The following CRBN variants were observed in gnomAD, a reference collection of about 807,000 sequenced individuals.
CRBN encodes the protein protein cereblon.
In CRBN, 53 loss-of-function variants were observed where a neutral mutation model predicts 62.2. The ratio of observed to expected loss-of-function variants is 0.85; its 90% CI spans 0.68 to 1.07. The LOEUF (loss-of-function observed/expected upper bound fraction) is 1.07. Ranked by LOEUF, CRBN falls within the 50% of genes least tolerant of loss-of-function variation. The pLI, the probability that CRBN is intolerant of heterozygous loss-of-function variation, is 0.00. For synonymous variants in CRBN, 208 were observed against 176.1 expected (o/e 1.18, Z -1.43); for missense variants, 616 against 531.1 (o/e 1.16, Z -1.57).
At chr3:3,178,507 C>T (rs998575189) in intron 1 of CRBN, among the ~76,000 whole-genome samples, 3 of 152,196 alleles carry the variant, frequency 2.0e-5, no homozygotes, top group Non-Finnish European at 4.4e-5. Context: ...CAATATACCT[C>T]CTAGGCCTTA....
chr3:3,169,145 G>C (rs1320785679), intron 4 of CRBN, among the ~76,000 whole-genome samples: 1 of 152,068 alleles, frequency 6.6e-6, no homozygotes, highest in African/African-American at 2.4e-5. Flanking sequence ...TGATCCCCTG[G>C]CTTACAGATC....
intron 1 of CRBN, among the ~76,000 whole-genome samples, chr3:3,178,051 T>C: frequency 6.6e-6 from 1 of 151,942 alleles, no homozygotes; most frequent in East Asian, 1.9e-4. Context: ...ACGCTGACTG[T>C]TCAGAGCTAT....
chr3:3,171,693 A>G (rs1018211820), intron 4 of CRBN, among the ~76,000 whole-genome samples: 8 of 152,278 alleles, frequency 5.3e-5, no homozygotes, highest in African/African-American at 1.9e-4. Flanking sequence ...TCATAATTCA[A>G]AAATATATAG....
At chr3:3,154,470 AG>A in intron 7 of CRBN, 7 of 498,592 alleles carry the variant, frequency 1.4e-5, no homozygotes, top group Middle Eastern at 1.1e-3. Context: ...GTCCTTACAC[AG>A]GAAGTGTTTT....
At chr3:3,151,730 T>A (rs748718913) in intron 10 of CRBN, among the ~76,000 whole-genome samples, 13 of 152,202 alleles carry the variant, frequency 8.5e-5, no homozygotes, top group Non-Finnish European at 1.6e-4. Context: ...CAGAGTAGCA[T>A]GTAATCCCTT....
At position 3,179,659 on chromosome 3, in the gene CRBN, G is replaced by C. The variant is rs137880766; in HGVS notation, c.29C>G (p.Ala10Gly). 7 of 1,613,162 alleles carry C rather than the reference G, an allele frequency of 4.3e-6. No individual in the cohort carries two copies. Among genetic ancestry groups the C allele is most frequent in the Non-Finnish European group, 5.9e-6 (7 of 1,179,608 alleles). Residue 10 changes from alanine (A) to glycine (G), a missense_variant, in exon 1 of 11, where the codon GCT (alanine) becomes GGT (glycine). Transcript: ENST00000231948. Reference protein sequence around the residue: MAGEGDQQDAAHNMGNHLPL... With the variant: MAGEGDQQDGAHNMGNHLPL... ...CAGGTGGTTGCCCATGTTGTGCGCAGCGTCCTGCTGATCTCCTTCGCCGGC... is the reference window on the plus strand; with the variant it reads ...CAGGTGGTTGCCCATGTTGTGCGCACCGTCCTGCTGATCTCCTTCGCCGGC...
chr3:3,178,315 T>C (rs1707917333), intron 1 of CRBN, among the ~76,000 whole-genome samples: 1 of 152,222 alleles, frequency 6.6e-6, no homozygotes, highest in Non-Finnish European at 1.5e-5. Context: ...TTCTCTCCTA[T>C]ATGGTGGGCA....
rs1707780977 is a variant in CRBN, at chr3:3,175,176, G to A, written c.161C>T (p.Pro54Leu). 3.7e-6 allele frequency: 6 copies of A among 1,606,584 alleles called. No homozygotes were observed. Among genetic ancestry groups the A allele is most frequent in the Non-Finnish European group, 4.3e-6 (5 of 1,173,570 alleles). The change falls in exon 2 of 11, where the codon CCG becomes CTG. Residue 54 changes from proline (P) to leucine (L), a missense_variant. Transcript: ENST00000231948. ...TAAATTACATACTGTATGTGATGTC[G>A]GCAGACTGGTGTCAAAATTTATGAT... Reference protein sequence around the residue: ...PNIINFDTSLPTSHTYLGADM... With the variant: ...PNIINFDTSLLTSHTYLGADM...
chr3:3,174,155 C>G lies in CRBN; in HGVS notation c.281G>C (p.Gly94Ala). ...AAAAAGCTGAAGAGGTAATGTCTGT[C>G]CGGGAATCAGGATCATCATCACTTG... ...LPQVMMILIP[G>A]QTLPLQLFHP... The change falls in exon 3 of 11, where the codon GGA (glycine) becomes GCA (alanine). Residue 94 changes from glycine (G) to alanine (A), a missense_variant. By Grantham distance (60) the Gly-to-Ala change is moderately conservative (BLOSUM62 0). Transcript: ENST00000231948. 6.2e-7 allele frequency: 1 copy of G among 1,614,142 alleles called. No individual in the cohort carries two copies. The highest frequency in any genetic ancestry group is 8.5e-7 in the Non-Finnish European group (1 of 1,180,004).
At position 3,156,214 on chromosome 3, in the gene CRBN, C is replaced by G; in HGVS notation, c.750+5G>C. 4.3e-6 allele frequency: 7 copies of G among 1,610,542 alleles called. No homozygotes were observed. Among genetic ancestry groups the G allele is most frequent in the East Asian group, 4.5e-5 (2 of 44,802 alleles). On this transcript the variant is annotated splice_donor_5th_base_variant and intron_variant, in intron 6 of 10. Coordinates refer to ENST00000231948, the MANE Select transcript of CRBN (RefSeq NM_016302.4). Reference sequence around the variant, plus strand: ...TATAAAGTAAATTTAAGGTAAGTTACTTACAGCATCATATAAGGAATACAG... The same window carrying G: ...TATAAAGTAAATTTAAGGTAAGTTAGTTACAGCATCATATAAGGAATACAG...
Position 3,154,383 on chromosome 3 carries a change from G to T in CRBN, c.836-308C>A, listed in dbSNP as rs1575081997. The T allele has an allele frequency of 1.0e-5, 3 of 290,562 alleles. No individual in the cohort carries two copies. The South Asian group carries it at 1.6e-4, about 15-fold the overall frequency. 18.0% of individuals were successfully genotyped at this position (290,562 alleles called of 1,614,324 possible). ...AAACTATACCTTATAAACAGATAAA[G>T]AGAGTATCTATAATTAAGGCAAGTC... is the stretch of plus-strand genomic sequence containing the variant. On this transcript the variant is annotated intron_variant, in intron 7 of 10. Coordinates refer to ENST00000231948, the MANE Select transcript of CRBN (RefSeq NM_016302.4).
Position 3,179,658 on chromosome 3 carries a change from A to T in CRBN, c.30T>A (p.Ala10=). ...GCAGGTGGTTGCCCATGTTGTGCGC[A>T]GCGTCCTGCTGATCTCCTTCGCCGG... The part of the protein sequence containing the change: MAGEGDQQD[A]AHNMGNHLPL... The change falls in exon 1 of 11, where the codon GCT becomes GCA. Residue 10 remains alanine (A), a synonymous_variant. Coordinates refer to ENST00000231948, the MANE Select transcript of CRBN (RefSeq NM_016302.4). 1 of 1,613,194 alleles carries T rather than the reference A, an allele frequency of 6.2e-7. No homozygotes were observed. The highest frequency in any genetic ancestry group is 8.5e-7 in the Non-Finnish European group (1 of 1,179,632).
intron 9 of CRBN, 117 bp from the exon 10 acceptor site, chr3:3,152,704 T>A: frequency 1.6e-6 from 2 of 1,252,758 alleles, no homozygotes; most frequent in Non-Finnish European, 2.3e-6. Context: ...CAGTTTTTAA[T>A]CCTTCAGTTT....
chr3:3,169,178 AAC>A (rs1707495277), intron 4 of CRBN, among the ~76,000 whole-genome samples: 2 of 152,180 alleles, frequency 1.3e-5, no homozygotes, highest in African/African-American at 4.8e-5. Context: ...CTGCAGTACA[AAC>A]TGTCTGAATT....
At chr3:3,175,140 A>T in intron 2 of CRBN, 23 bp downstream of exon 2, 1 of 1,395,388 alleles carries the variant, frequency 7.2e-7, no homozygotes, top group Non-Finnish European at 1.0e-6. Flanking sequence ...CTATTATATT[A>T]GATCTGTCAC....
chr3:3,156,225 A>T lies in CRBN; in HGVS notation c.744T>A (p.Tyr248Ter). Residue 248 changes from tyrosine to a stop codon, truncating the protein, a stop_gained, in exon 6 of 11, where the codon TAT becomes TAA. Coordinates refer to ENST00000231948, the MANE Select transcript of CRBN (RefSeq NM_016302.4). LOFTEE classifies it high-confidence loss of function. ...TSWPRWLYSLYDAETLMDRIK... is the reference protein window; with the variant it reads ...TSWPRWLYSL ...TTTAAGGTAAGTTACTTACAGCATCATATAAGGAATACAGCCAGCGAGGCC... is the reference window on the plus strand; with the variant it reads ...TTTAAGGTAAGTTACTTACAGCATCTTATAAGGAATACAGCCAGCGAGGCC... 1 of 1,613,206 alleles carries T rather than the reference A, an allele frequency of 6.2e-7. No homozygotes were observed. Among genetic ancestry groups the T allele is most frequent in the Non-Finnish European group, 8.5e-7 (1 of 1,179,170 alleles).
rs1706403734 is a variant in CRBN, at chr3:3,150,119, C to CTTTTCCCTATAGTAGTAGTTTT, written c.*724_*745dup. The CTTTTCCCTATAGTAGTAGTTTT allele has an allele frequency of 6.6e-6, 1 of 152,114 alleles. No individual in the cohort carries two copies. The allele number at this position is 152,114 out of a possible 1,614,324, so 9.4% of individuals were successfully genotyped here. A position where few individuals can be genotyped will look rare whatever the true frequency, so the allele number is the denominator to read the frequency against. ...TGGGTGAGGGGACATGTTTTGGCAT[C>CTTTTCCCTATAGTAGTAGTTTT]TTTTCCCTATAGTAGTAGTTTTGGT... On this transcript the variant is annotated 3_prime_UTR_variant, in exon 11 of 11. Coordinates refer to ENST00000231948, the MANE Select transcript of CRBN (RefSeq NM_016302.4).
intron 3 of CRBN, 154 bp downstream of exon 3, chr3:3,173,905 C>G (rs1707726297): frequency 5.8e-6 from 4 of 688,986 alleles, no homozygotes; most frequent in South Asian, 4.7e-5. Flanking sequence ...CCAACTTGCA[C>G]TATCAAACTT....
intron 2 of CRBN, 130 bp from the exon 3 acceptor site, chr3:3,174,391 A>G (rs1707747538): frequency 5.1e-6 from 4 of 783,964 alleles, no homozygotes; most frequent in Non-Finnish European, 8.4e-6. Context: ...CTGTAATTCC[A>G]GCACTTTGGG....
Sources: allele counts gnomAD v4.1 joint callset (sites outside exome capture counted in the v4.1 genomes callset), GRCh38; gene constraint gnomAD v4.1.1; transcripts MANE v1.5; gene names NCBI Gene and HGNC (gene_info 2026-07-23, HGNC 2026-07-21).